CSMD1: variants seen among roughly 807,000 people sequenced by gnomAD.
The protein encoded by CSMD1 is CUB and sushi domain-containing protein 1.
A neutral mutation model predicts 417.5 loss-of-function variants in CSMD1; 213 were observed. The ratio of observed to expected loss-of-function variants is 0.51; its 90% CI spans 0.46 to 0.57. The LOEUF (loss-of-function observed/expected upper bound fraction) is 0.57, where lower values mean the gene tolerates loss of function less well. Ranked by LOEUF, CSMD1 falls within the 20% of genes least tolerant of loss-of-function variation. The probability of loss-of-function intolerance (pLI) is 0.00; values close to 1 mark genes in which losing one functional copy is unlikely to be tolerated. For missense variants in CSMD1, 6,923 were observed against 4,529.7 expected, an observed-to-expected ratio of 1.53 and a Z score of -15.17; for synonymous variants, 2,862 against 1,736.8, an observed-to-expected ratio of 1.65 and a Z score of -16.11.
At chr8:3,272,477 G>C (rs760074482) in intron 26 of CSMD1, among the ~76,000 whole-genome samples, 2 of 148,998 alleles carry the variant, frequency 1.3e-5, no homozygotes, top group Non-Finnish European at 3.0e-5. Context: ...GAAAGTCATT[G>C]GTAACTTGAA....
intron 7 of CSMD1, among the ~76,000 whole-genome samples, chr8:3,655,659 GTTTT>G (rs11293138): frequency 0.5 from 69,313 of 139,692 alleles, 16,896 homozygotes; most frequent in Middle Eastern, 0.59. Context: ...TGGAGGTTGC[GTTTT>G]TTTTTTTTTT....
chr8:3,143,328 G>T lies in CSMD1; in HGVS notation c.6032-654C>A, dbSNP rs116833055. ...TGTTACGTGTGCAAAACAAATTATT[G>T]ATGTTTGTGAGAAACCCAATCTAAT... is the stretch of plus-strand genomic sequence containing the variant. On this transcript the variant is annotated intron_variant, in intron 40 of 69. Transcript: ENST00000635120. 7.7e-3 allele frequency among the ~76,000 whole-genome samples: 1,170 copies of T among 152,174 alleles called. 15 individuals carry two copies. The highest frequency in any genetic ancestry group is 0.026 in the African/African-American group (1,082 of 41,518).
At chr8:3,404,463 G>A (rs1395436426) in intron 15 of CSMD1, among the ~76,000 whole-genome samples, 5 of 152,102 alleles carry the variant, frequency 3.3e-5, no homozygotes, top group Admixed American at 2.6e-4. Flanking sequence ...TTGTCATGGA[G>A]GAGTTTAATG....
intron 3 of CSMD1, among the ~76,000 whole-genome samples, chr8:4,365,481 C>CT (rs1334373673): frequency 6.6e-6 from 1 of 152,180 alleles, no homozygotes; most frequent in Non-Finnish European, 1.5e-5. Flanking sequence ...TCCAAGTCTA[C>CT]TGGCCTTAGG....
intron 10 of CSMD1, among the ~76,000 whole-genome samples, chr8:3,542,281 G>A (rs1014244054): frequency 1.2e-4 from 18 of 152,020 alleles, no homozygotes; most frequent in Admixed American, 1.0e-3. Flanking sequence ...ATCTGAAGAT[G>A]GTTCATTCAT....
At chr8:3,755,234 G>A (rs190005649) in intron 5 of CSMD1, among the ~76,000 whole-genome samples, 5 of 152,248 alleles carry the variant, frequency 3.3e-5, no homozygotes, top group East Asian at 1.9e-4. Flanking sequence ...GTGCTGGCTC[G>A]ACTTTGTGCT....
chr8:4,877,329 C>T (rs1056240891), intron 1 of CSMD1, among the ~76,000 whole-genome samples: 1 of 151,930 alleles, frequency 6.6e-6, no homozygotes, highest in Non-Finnish European at 1.5e-5. Context: ...TTACATTAAT[C>T]AGGGTTAAGA....
At chr8:4,617,349 T>G (rs752417143) in intron 2 of CSMD1, among the ~76,000 whole-genome samples, 1 of 152,188 alleles carries the variant, frequency 6.6e-6, no homozygotes, top group African/African-American at 2.4e-5. Context: ...GAAAACGGAA[T>G]GTAAACAGAG....
rs1000045597 is a variant in CSMD1, at chr8:4,349,723, G to C, written c.415+70230C>G. Among the ~76,000 whole-genome samples the C allele has an allele frequency of 2.6e-5, 4 of 151,806 alleles. No homozygotes were observed. In the East Asian group the frequency reaches 7.8e-4, roughly 30 times the overall value. On this transcript the variant is annotated intron_variant, in intron 3 of 69. Transcript: ENST00000635120. ...CTATAAATACAATCATCAGTTACAA[G>C]ATCATTTATTTGACATTTTTCAAAT...
chr8:3,895,112 T>G (rs548066384), intron 5 of CSMD1, among the ~76,000 whole-genome samples: 26 of 152,288 alleles, frequency 1.7e-4, no homozygotes, highest in African/African-American at 6.0e-4. Flanking sequence ...ACATATTGAT[T>G]AAATGTGATT....
chr8:3,955,670 G>A (rs1811891809), intron 5 of CSMD1, among the ~76,000 whole-genome samples: 1 of 152,138 alleles, frequency 6.6e-6, no homozygotes, highest in African/African-American at 2.4e-5. Context: ...CTAAAAGAGT[G>A]TCTCAGAGGA....
intron 3 of CSMD1, among the ~76,000 whole-genome samples, chr8:4,050,723 A>C (rs759919869): frequency 9.9e-5 from 15 of 152,148 alleles, no homozygotes; most frequent in Non-Finnish European, 1.9e-4. Flanking sequence ...CTATTTAGTG[A>C]GTAAATGAAT....
chr8:4,497,031 C>T (rs978078533), intron 2 of CSMD1, among the ~76,000 whole-genome samples: 1 of 151,952 alleles, frequency 6.6e-6, no homozygotes, highest in Non-Finnish European at 1.5e-5. Flanking sequence ...AATAAAATAC[C>T]CATTTCCTCT....
intron 5 of CSMD1, among the ~76,000 whole-genome samples, chr8:3,886,784 G>A (rs1467337703): frequency 1.3e-5 from 2 of 152,092 alleles, no homozygotes; most frequent in Admixed American, 6.5e-5. Context: ...CAGATATACT[G>A]CCAAAGATTA....
At position 3,109,749 on chromosome 8, in the gene CSMD1, G is replaced by GCA. The variant is rs145607079; in HGVS notation, c.6608+407_6608+408dup. Among the ~76,000 whole-genome samples, 6 of 149,702 alleles carry GCA rather than the reference G, an allele frequency of 4.0e-5. No homozygotes were observed. In the East Asian group the frequency reaches 7.9e-4, roughly 20 times the overall value. On this transcript the variant is annotated intron_variant, in intron 43 of 69. Transcript: ENST00000635120. Reference sequence around the variant, plus strand: ...AGTGCAGCCACACCACACACAACACGCACACACACACACAACATACACAAC... The same window carrying GCA: ...AGTGCAGCCACACCACACACAACACGCACACACACACACACAACATACACAAC...
Position 4,294,888 on chromosome 8 carries a change from A to T in CSMD1, c.415+125065T>A, listed in dbSNP as rs565956400. On this transcript the variant is annotated intron_variant, in intron 3 of 69. Transcript: ENST00000635120. ...TGTCTTTGCCCTTTTAGTAGCTGTC[A>T]ATGTGTATGGAACGAAAGCCTCAGG... is the stretch of plus-strand genomic sequence containing the variant. Among the ~76,000 whole-genome samples, 7 of 151,960 alleles carry T rather than the reference A, an allele frequency of 4.6e-5. No individual in the cohort carries two copies. In the East Asian group the frequency reaches 1.2e-3, roughly 25 times the overall value.
chr8:4,974,124 C>A (rs907102540), intron 1 of CSMD1, among the ~76,000 whole-genome samples: 2 of 152,014 alleles, frequency 1.3e-5, no homozygotes, highest in Non-Finnish European at 2.9e-5. Flanking sequence ...GGGCTTGATT[C>A]TTCTGCTTCA....
At chr8:4,981,753 G>C (rs554664771) in intron 1 of CSMD1, among the ~76,000 whole-genome samples, 32 of 152,256 alleles carry the variant, frequency 2.1e-4, no homozygotes, top group African/African-American at 7.5e-4. Context: ...TTCTCCTTGA[G>C]AGTGGGCAGG....
At chr8:3,722,459 C>T (rs192972472) in intron 6 of CSMD1, among the ~76,000 whole-genome samples, 268 of 152,212 alleles carry the variant, frequency 1.8e-3, no homozygotes, top group Non-Finnish European at 2.1e-3. Flanking sequence ...AGTGCTTGCC[C>T]CAACCTCAGA....
Sources: allele counts gnomAD v4.1 joint callset (sites outside exome capture counted in the v4.1 genomes callset), GRCh38; gene constraint gnomAD v4.1.1; transcripts MANE v1.5; gene names NCBI Gene and HGNC (gene_info 2026-07-23, HGNC 2026-07-21).